CAMK1D: variants seen among roughly 807,000 people sequenced by gnomAD.
CAMK1D encodes the protein calcium/calmodulin dependent protein kinase ID.
In CAMK1D, 9 loss-of-function variants were observed where a neutral mutation model predicts 47.7. The ratio of observed to expected loss-of-function variants is 0.19; its 90% CI spans 0.11 to 0.33. The LOEUF (loss-of-function observed/expected upper bound fraction) is 0.33, where lower values mean the gene tolerates loss of function less well. CAMK1D is among the 10% of genes least tolerant of loss of function. CAMK1D has a pLI of 1.00. For synonymous variants in CAMK1D, 184 were observed against 184.9 expected, an observed-to-expected ratio of 0.99 and a Z score of 0.04; for missense variants, 291 against 488.7, an observed-to-expected ratio of 0.60 and a Z score of 3.81.
At chr10:12,405,524 G>A (rs114344021) in intron 1 of CAMK1D, among the ~76,000 whole-genome samples, 8 of 152,076 alleles carry the variant, frequency 5.3e-5, no homozygotes, top group African/African-American at 1.4e-4. Flanking sequence ...ATTACTAAGC[G>A]CCCGTCTTTA....
chr10:12,660,763 G>T (rs1349031202), intron 2 of CAMK1D, among the ~76,000 whole-genome samples: 1 of 152,194 alleles, frequency 6.6e-6, no homozygotes, highest in Non-Finnish European at 1.5e-5. Context: ...TGAAAATTAA[G>T]TTGAGTTTCT....
chr10:12,675,949 G>T (rs1007430266), intron 3 of CAMK1D, among the ~76,000 whole-genome samples: 3 of 152,024 alleles, frequency 2.0e-5, no homozygotes, highest in African/African-American at 7.2e-5. Flanking sequence ...TGTTTTGTTT[G>T]TTTGTTTGTT....
chr10:12,802,482 G>A lies in CAMK1D; in HGVS notation c.641+11249G>A, dbSNP rs115044032. 1.9e-3 allele frequency among the ~76,000 whole-genome samples: 286 copies of A among 152,196 alleles called. 1 individual carries two copies. Among genetic ancestry groups the A allele is most frequent in the African/African-American group, 6.6e-3 (276 of 41,528 alleles). The stretch of plus-strand genomic sequence containing the variant: ...AAATGCAGACTGGGTAGAACATTCC[G>A]CATTGATTTTGGAACTGCAAGACTT... On this transcript the variant is annotated intron_variant, in intron 6 of 10. Transcript: ENST00000619168.
At chr10:12,713,005 T>TG (rs1419850854) in intron 3 of CAMK1D, among the ~76,000 whole-genome samples, 16 of 152,118 alleles carry the variant, frequency 1.1e-4, no homozygotes, top group African/African-American at 2.9e-4. Context: ...ATGGAAAAGA[T>TG]GGTTTTGACA....
chr10:12,392,232 G>A (rs997045959), intron 1 of CAMK1D, among the ~76,000 whole-genome samples: 4 of 151,674 alleles, frequency 2.6e-5, no homozygotes, highest in Non-Finnish European at 5.9e-5. Context: ...AACCCAGGAG[G>A]TGGAGGCTGC....
intron 1 of CAMK1D, among the ~76,000 whole-genome samples, chr10:12,536,916 T>C (rs1400512635): frequency 1.3e-5 from 2 of 152,224 alleles, no homozygotes; most frequent in Non-Finnish European, 2.9e-5. Context: ...TCATTTGGGA[T>C]ATTTACATAT....
intron 10 of CAMK1D, among the ~76,000 whole-genome samples, chr10:12,827,300 TCTCTCTTTTTC>T (rs1408478380): frequency 5.0e-5 from 6 of 119,580 alleles, no homozygotes; most frequent in East Asian, 5.2e-4. Context: ...TCTTTCTTTC[TCTCTCTTTTTC>T]TTTTCTTTCT....
At position 12,742,522 on chromosome 10, in the gene CAMK1D, C is replaced by T. The variant is rs1314543552; in HGVS notation, c.300-18426C>T. 2.6e-5 allele frequency among the ~76,000 whole-genome samples: 4 copies of T among 152,340 alleles called. No homozygotes were observed. The East Asian group carries it at 5.8e-4, about 22-fold the overall frequency. On this transcript the variant is annotated intron_variant, in intron 3 of 10. Coordinates refer to ENST00000619168, the MANE Select transcript of CAMK1D (RefSeq NM_153498.4). ...TAAATTGGCCGAGTTGTGCAACCAT[C>T]ACCTGAATCCAGTTTCAGAACGTTT...
chr10:12,789,780 G>A lies in CAMK1D; in HGVS notation c.566-1378G>A, dbSNP rs187109091. On this transcript the variant is annotated intron_variant, in intron 5 of 10. Coordinates refer to ENST00000619168, the MANE Select transcript of CAMK1D (RefSeq NM_153498.4). ...GTGAGTGAGTGAATACATCATAAAA[G>A]AAGACCTAACTCAGAATCCAACAAG... 8.1e-5 allele frequency among the ~76,000 whole-genome samples: 12 copies of A among 149,042 alleles called. No individual in the cohort carries two copies. The East Asian group carries it at 9.8e-4, about 12-fold the overall frequency.
At chr10:12,552,278 A>G (rs903346895) in intron 1 of CAMK1D, among the ~76,000 whole-genome samples, 3 of 152,226 alleles carry the variant, frequency 2.0e-5, no homozygotes, top group African/African-American at 7.2e-5. Flanking sequence ...CAGGCAGGAC[A>G]GTCTTCCCCA....
At chr10:12,603,154 A>G (rs1283315007) in intron 2 of CAMK1D, among the ~76,000 whole-genome samples, 2 of 151,470 alleles carry the variant, frequency 1.3e-5, no homozygotes, top group Non-Finnish European at 2.9e-5. Flanking sequence ...CAGATGATCC[A>G]CCTCCCAAAG....
intron 1 of CAMK1D, among the ~76,000 whole-genome samples, chr10:12,479,705 C>T (rs1834007380): frequency 6.6e-6 from 1 of 152,188 alleles, no homozygotes; most frequent in Admixed American, 6.5e-5. Context: ...GGAAGCCTGT[C>T]ACTGCCCAGG....
At chr10:12,804,705 G>A (rs1344964305) in intron 6 of CAMK1D, among the ~76,000 whole-genome samples, 1 of 151,578 alleles carries the variant, frequency 6.6e-6, no homozygotes, top group African/African-American at 2.4e-5. Context: ...AGGCCAAGGT[G>A]GGAGGATCTC....
At chr10:12,478,081 CT>C (rs1157890077) in intron 1 of CAMK1D, among the ~76,000 whole-genome samples, 2 of 143,068 alleles carry the variant, frequency 1.4e-5, no homozygotes, top group Non-Finnish European at 3.0e-5. Context: ...TCTTGACTCA[CT>C]GCAAGCTCCG....
At chr10:12,686,007 A>G (rs557482448) in intron 3 of CAMK1D, among the ~76,000 whole-genome samples, 2 of 152,332 alleles carry the variant, frequency 1.3e-5, no homozygotes, top group African/African-American at 2.4e-5. Flanking sequence ...CACTGTGTAG[A>G]TAAAGACACA....
chr10:12,724,327 G>A (rs1330539846), intron 3 of CAMK1D, among the ~76,000 whole-genome samples: 1 of 152,174 alleles, frequency 6.6e-6, no homozygotes, highest in Non-Finnish European at 1.5e-5. Flanking sequence ...TTTTAACAAA[G>A]TGAGGAAAAT....
chr10:12,593,325 C>T (rs186728377), intron 2 of CAMK1D, among the ~76,000 whole-genome samples: 1 of 152,226 alleles, frequency 6.6e-6, no homozygotes, highest in Admixed American at 6.5e-5. Flanking sequence ...TGCGCTGACT[C>T]ATGCCTGTAA....
At chr10:12,796,312 A>G (rs930460536) in intron 6 of CAMK1D, among the ~76,000 whole-genome samples, 5 of 152,170 alleles carry the variant, frequency 3.3e-5, no homozygotes, top group African/African-American at 1.2e-4. Context: ...CTCTCTGCCT[A>G]GAAGAAACTC....
chr10:12,600,293 G>A (rs1354404407), intron 2 of CAMK1D, among the ~76,000 whole-genome samples: 1 of 152,214 alleles, frequency 6.6e-6, no homozygotes, highest in Non-Finnish European at 1.5e-5. Context: ...CATTCCCTTT[G>A]AGACCTCCTC....
Sources: allele counts gnomAD v4.1 joint callset (sites outside exome capture counted in the v4.1 genomes callset), GRCh38; gene constraint gnomAD v4.1.1; transcripts MANE v1.5; gene names NCBI Gene and HGNC (gene_info 2026-07-23, HGNC 2026-07-21).